Variants in LRRTM4 observed in about 807,000 individuals in gnomAD.
LRRTM4 encodes leucine-rich repeat transmembrane neuronal protein 4.
In LRRTM4, 25 loss-of-function variants were observed where a neutral mutation model predicts 47.6. The ratio of observed to expected loss-of-function variants is 0.53; its 90% CI spans 0.38 to 0.73. The LOEUF (loss-of-function observed/expected upper bound fraction) is 0.73, where lower values mean the gene tolerates loss of function less well. LRRTM4 is among the 30% of genes least tolerant of loss of function. LRRTM4 has a pLI of 0.00. For missense variants in LRRTM4, 638 were observed against 713.4 expected, an observed-to-expected ratio of 0.89 and a Z score of 1.20; for synonymous variants, 311 against 269.5, an observed-to-expected ratio of 1.15 and a Z score of -1.51.
chr2:77,299,847 ATTTTTTTT>A (rs145008759), intron 3 of LRRTM4, among the ~76,000 whole-genome samples: 2 of 114,210 alleles, frequency 1.8e-5, no homozygotes, highest in African/African-American at 3.4e-5. Flanking sequence ...TAAGGTAATG[ATTTTTTTT>A]TTTTTTTTTT....
At chr2:77,008,081 GT>G (rs1677725622) in intron 3 of LRRTM4, among the ~76,000 whole-genome samples, 1 of 152,136 alleles carries the variant, frequency 6.6e-6, no homozygotes, top group Non-Finnish European at 1.5e-5. Flanking sequence ...GCATCCTGTT[GT>G]TTAACCAATC....
At chr2:77,070,208 T>G (rs541069787) in intron 3 of LRRTM4, among the ~76,000 whole-genome samples, 77 of 152,138 alleles carry the variant, frequency 5.1e-4, no homozygotes, top group Non-Finnish European at 6.3e-4. Flanking sequence ...ACCAAATTCA[T>G]GCTTCTTACA....
At chr2:76,761,770 A>C (rs1425902687) in intron 3 of LRRTM4, among the ~76,000 whole-genome samples, 1 of 152,216 alleles carries the variant, frequency 6.6e-6, no homozygotes, top group Non-Finnish European at 1.5e-5. Flanking sequence ...TTAAAGGAAA[A>C]GAAAAAGAAT....
intron 3 of LRRTM4, among the ~76,000 whole-genome samples, chr2:77,254,084 T>C (rs1460998710): frequency 2.0e-5 from 3 of 151,982 alleles, no homozygotes; most frequent in Non-Finnish European, 4.4e-5. Context: ...CACAACTATA[T>C]AGGTGTACAC....
chr2:76,829,251 T>C (rs1311180365), intron 3 of LRRTM4, among the ~76,000 whole-genome samples: 1 of 151,904 alleles, frequency 6.6e-6, no homozygotes, highest in Non-Finnish European at 1.5e-5. Context: ...CAGAATTTAA[T>C]CTTAGTTGAG....
chr2:77,444,247 T>C (rs557476900), intron 3 of LRRTM4, among the ~76,000 whole-genome samples: 1 of 152,276 alleles, frequency 6.6e-6, no homozygotes, highest in East Asian at 1.9e-4. Flanking sequence ...ATTGGCCACG[T>C]ATGACAGATG....
intron 3 of LRRTM4, among the ~76,000 whole-genome samples, chr2:77,315,622 A>C (rs544528858): frequency 2.0e-5 from 3 of 152,310 alleles, no homozygotes; most frequent in Non-Finnish European, 4.4e-5. Flanking sequence ...TCCTGACTCT[A>C]GACCCTAACC....
At chr2:77,360,459 A>G (rs940135848) in intron 3 of LRRTM4, among the ~76,000 whole-genome samples, 5 of 147,856 alleles carry the variant, frequency 3.4e-5, no homozygotes, top group African/African-American at 1.3e-4. Context: ...CTCCATCTCA[A>G]AAAATACAAT....
At chr2:76,903,547 A>C (rs1238366605) in intron 3 of LRRTM4, among the ~76,000 whole-genome samples, 1 of 152,154 alleles carries the variant, frequency 6.6e-6, no homozygotes. Flanking sequence ...AAACAAAACA[A>C]AACAAAAAAG....
chr2:76,807,978 C>CTT (rs1670601282), intron 3 of LRRTM4, among the ~76,000 whole-genome samples: 1 of 129,870 alleles, frequency 7.7e-6, no homozygotes, highest in African/African-American at 3.1e-5. Flanking sequence ...TCCTTCCTTC[C>CTT]CTTCTTTCTT....
chr2:77,426,414 T>C lies in LRRTM4; in HGVS notation c.1551+91904A>G, dbSNP rs555609463. On this transcript the variant is annotated intron_variant, in intron 3 of 3. Transcript: ENST00000409884. The stretch of plus-strand genomic sequence containing the variant: ...ACATTGATCAGATATTGATATTCCT[T>C]GAGCAAAACACTTACAGGCTTTCCT... Among the ~76,000 whole-genome samples, 23 of 152,298 alleles carry C rather than the reference T, an allele frequency of 1.5e-4. No individual in the cohort carries two copies. The South Asian group carries it at 4.6e-3, about 30-fold the overall frequency.
chr2:77,069,545 G>T (rs550331114), intron 3 of LRRTM4, among the ~76,000 whole-genome samples: 1 of 151,908 alleles, frequency 6.6e-6, no homozygotes, highest in African/African-American at 2.4e-5. Flanking sequence ...TAATTTTGTA[G>T]AACTAATTCA....
At chr2:77,215,234 AGAGG>A (rs1240334419) in intron 3 of LRRTM4, among the ~76,000 whole-genome samples, 1 of 152,226 alleles carries the variant, frequency 6.6e-6, no homozygotes, top group Non-Finnish European at 1.5e-5. Context: ...ATCCTAGAAA[AGAGG>A]AAGGAAAGAA....
chr2:77,364,932 T>G (rs1182301656), intron 3 of LRRTM4, among the ~76,000 whole-genome samples: 8 of 151,870 alleles, frequency 5.3e-5, no homozygotes, highest in Non-Finnish European at 1.2e-4. Flanking sequence ...AACGTTTATT[T>G]AAATAAAACT....
intron 3 of LRRTM4, among the ~76,000 whole-genome samples, chr2:76,769,622 G>A (rs1558640487): frequency 6.6e-6 from 1 of 152,032 alleles, no homozygotes; most frequent in Non-Finnish European, 1.5e-5. Flanking sequence ...TCCACCTACT[G>A]TAATTCACCT....
At chr2:76,758,229 G>C (rs1186640049) in intron 3 of LRRTM4, among the ~76,000 whole-genome samples, 1 of 152,130 alleles carries the variant, frequency 6.6e-6, no homozygotes, top group African/African-American at 2.4e-5. Context: ...CCTCCAATCT[G>C]ACAGTACAGT....
intron 3 of LRRTM4, among the ~76,000 whole-genome samples, chr2:76,926,767 G>C (rs1028699007): frequency 3.3e-5 from 5 of 152,062 alleles, no homozygotes; most frequent in African/African-American, 1.2e-4. Flanking sequence ...CTAGCCTCCA[G>C]AACTGTAAGC....
chr2:77,116,749 C>T (rs927180042), intron 3 of LRRTM4, among the ~76,000 whole-genome samples: 4 of 151,922 alleles, frequency 2.6e-5, no homozygotes, highest in African/African-American at 7.2e-5. Flanking sequence ...CAGTTTCTTT[C>T]TACTCCCCCA....
chr2:76,802,504 G>T (rs2103778857), intron 3 of LRRTM4, among the ~76,000 whole-genome samples: 1 of 152,136 alleles, frequency 6.6e-6, no homozygotes, highest in South Asian at 2.1e-4. Flanking sequence ...CTGTGTTCAT[G>T]GATTGGAAGA....
Sources: allele counts gnomAD v4.1 joint callset (sites outside exome capture counted in the v4.1 genomes callset), GRCh38; gene constraint gnomAD v4.1.1; transcripts MANE v1.5; gene names NCBI Gene and HGNC (gene_info 2026-07-23, HGNC 2026-07-21).